DNAH3: variants seen among roughly 807,000 people sequenced by gnomAD.
The protein encoded by DNAH3 is axonemal beta dynein heavy chain 3.
In DNAH3, 332 loss-of-function variants were observed where a neutral mutation model predicts 432.5. That is an observed-to-expected ratio of 0.77 (90% CI 0.70 to 0.84). The LOEUF (loss-of-function observed/expected upper bound fraction) is 0.84, where lower values mean the gene tolerates loss of function less well. Among genes scored for constraint, DNAH3 ranks in the 40% least tolerant of loss-of-function variants. The pLI is 0.00. For missense variants in DNAH3, 4,861 were observed against 5,114.0 expected (o/e 0.95, Z 1.51); for synonymous variants, 1,956 against 1,900.2 (o/e 1.03, Z -0.76).
At chr16:21,088,186 T>C (rs944315833) in intron 18 of DNAH3, among the ~76,000 whole-genome samples, 1 of 152,004 alleles carries the variant, frequency 6.6e-6, no homozygotes, top group Non-Finnish European at 1.5e-5. Flanking sequence ...TTTTGTTGCG[T>C]GATTAAAAAT....
At chr16:21,068,948 G>A (rs1219468783) in intron 23 of DNAH3, among the ~76,000 whole-genome samples, 1 of 150,488 alleles carries the variant, frequency 6.6e-6, no homozygotes, top group African/African-American at 2.4e-5. Context: ...TTTTTGAGAC[G>A]GAGTCTTGCT....
chr16:21,072,851 A>T, intron 21 of DNAH3, among the ~76,000 whole-genome samples: 1 of 149,220 alleles, frequency 6.7e-6, no homozygotes, highest in East Asian at 1.9e-4. Flanking sequence ...TACTATTATT[A>T]TTATTATTAT....
At chr16:21,159,023 C>CA (rs2092928814) in intron 1 of DNAH3, among the ~76,000 whole-genome samples, 1 of 151,770 alleles carries the variant, frequency 6.6e-6, no homozygotes, top group Non-Finnish European at 1.5e-5. Flanking sequence ...CATACACACA[C>CA]ACACTACCAC....
At chr16:21,020,374 A>ATTATATATATATATATATAAAAT (rs2088120169) in intron 40 of DNAH3, among the ~76,000 whole-genome samples, 4 of 38,148 alleles carry the variant, frequency 1.0e-4, no homozygotes, top group African/African-American at 3.7e-4. Context: ...ATATAAAATC[A>ATTATATATATATATATATAAAAT]CTATATATAT....
intron 1 of DNAH3, among the ~76,000 whole-genome samples, chr16:21,152,307 C>T (rs1370282460): frequency 1.3e-5 from 2 of 152,230 alleles, no homozygotes; most frequent in Non-Finnish European, 2.9e-5. Flanking sequence ...ATAAGTAGCA[C>T]TGATACAATT....
chr16:21,070,977 TG>T, intron 21 of DNAH3, 151 bp from the exon 22 acceptor site: 1 of 560,318 alleles, frequency 1.8e-6, no homozygotes, highest in South Asian at 2.2e-5. Context: ...CTCAAACTCC[TG>T]GGCTTAAGGG....
intron 53 of DNAH3, among the ~76,000 whole-genome samples, chr16:20,961,349 GTGCGGGGA>G (rs2084808244): frequency 6.6e-6 from 1 of 152,060 alleles, no homozygotes; most frequent in Non-Finnish European, 1.5e-5. Flanking sequence ...CTGTCGTGGG[GTGCGGGGA>G]GGGAGAAAGG....
At chr16:21,025,151 G>C (rs2088477657) in intron 38 of DNAH3, among the ~76,000 whole-genome samples, 1 of 151,994 alleles carries the variant, frequency 6.6e-6, no homozygotes, top group Non-Finnish European at 1.5e-5. Flanking sequence ...GGTTGGCCAG[G>C]CTGGTCTAGA....
At chr16:21,098,092 A>C (rs2152792336) in intron 17 of DNAH3, among the ~76,000 whole-genome samples, 1 of 152,324 alleles carries the variant, frequency 6.6e-6, no homozygotes, top group Middle Eastern at 3.4e-3. Flanking sequence ...TTGGATGCTC[A>C]GTAACTAATA....
chr16:21,034,298 G>C (rs2089051940), intron 35 of DNAH3, among the ~76,000 whole-genome samples: 1 of 152,134 alleles, frequency 6.6e-6, no homozygotes, highest in African/African-American at 2.4e-5. Flanking sequence ...TAAGGGATGG[G>C]AACTACCATT....
chr16:21,059,906 T>C (rs2090284963), intron 26 of DNAH3, among the ~76,000 whole-genome samples: 1 of 152,214 alleles, frequency 6.6e-6, no homozygotes, highest in Non-Finnish European at 1.5e-5. Context: ...CTTTAAGCTT[T>C]GGGAACACAA....
At chr16:21,132,506 G>A (rs2092579621) in intron 7 of DNAH3, among the ~76,000 whole-genome samples, 1 of 152,174 alleles carries the variant, frequency 6.6e-6, no homozygotes, top group Non-Finnish European at 1.5e-5. Context: ...TGCAATTGAT[G>A]CATAGATAAA....
At position 21,067,764 on chromosome 16, in the gene DNAH3, G is replaced by GT. The variant is rs1555545822; in HGVS notation, c.3382-346_3382-345insA. 6.5e-4 allele frequency among the ~76,000 whole-genome samples: 26 copies of GT among 39,854 alleles called. 2 individuals carry two copies. In the East Asian group the frequency reaches 0.12, roughly 180 times the overall value. The allele number at this position is 39,854 out of a possible 152,430, so 26.1% of individuals were successfully genotyped here. On this transcript the variant is annotated intron_variant, in intron 23 of 61. Coordinates refer to ENST00000261383, the Ensembl canonical transcript of DNAH3. ...GATAGAGAAAGCCAGTCTTGGGGGG[G>GT]GGGGTGGGGAGGGAGAGAGAGAGAG...
At chr16:21,147,763 C>A (rs1177472112) in intron 1 of DNAH3, among the ~76,000 whole-genome samples, 1 of 152,190 alleles carries the variant, frequency 6.6e-6, no homozygotes, top group African/African-American at 2.4e-5. Context: ...AAGTGACCCT[C>A]CACCTCTCCT....
In DNAH3 at chr16:21,149,724, T is replaced by C. The variant is rs562725995; in HGVS notation, c.118-3636A>G. Among the ~76,000 whole-genome samples the C allele has an allele frequency of 2.0e-5, 3 of 152,300 alleles. No individual in the cohort carries two copies. In the East Asian group the frequency reaches 5.8e-4, roughly 29 times the overall value. ...AAACTGATGGTTGGAATATATGGTC[T>C]AATGGGCTTGGAAGGGAAGGAAAGG... On this transcript the variant is annotated intron_variant, in intron 1 of 61. Coordinates refer to ENST00000261383, the Ensembl canonical transcript of DNAH3.
chr16:21,125,439 CCT>C lies in DNAH3; in HGVS notation c.1209-71_1209-70del. The C allele has an allele frequency of 2.9e-6, 4 of 1,376,932 alleles. No individual in the cohort carries two copies. In the African/African-American group the frequency reaches 4.4e-5, roughly 15 times the overall value. The allele number at this position is 1,376,932 out of a possible 1,614,324, so 85.3% of individuals were successfully genotyped here. ...TCCGAGGAACCCACTTGCCGTGCCC[CCT>C]GAGCTCAGTGATGAGGCAGATGGGC... On this transcript the variant is annotated intron_variant, in intron 8 of 61. Coordinates refer to ENST00000261383, the Ensembl canonical transcript of DNAH3.
chr16:21,105,095 G>A (rs1385176795), intron 15 of DNAH3, among the ~76,000 whole-genome samples: 4 of 152,068 alleles, frequency 2.6e-5, no homozygotes, highest in Non-Finnish European at 5.9e-5. Flanking sequence ...GTCCACCCTG[G>A]GTTTCCTTTG....
At chr16:20,969,655 TGGTTC>T (rs1483693393) in intron 52 of DNAH3, 132 bp downstream of exon 52, 41 of 991,556 alleles carry the variant, frequency 4.1e-5, no homozygotes, top group Non-Finnish European at 6.0e-5. Flanking sequence ...ACACACAGCC[TGGTTC>T]CTTTCTTAAT....
At chr16:21,024,778 C>T (rs79604417) in intron 38 of DNAH3, 77 bp from the exon 39 acceptor site, 14,951 of 1,120,608 alleles carry the variant, frequency 0.013, 138 homozygotes, top group Non-Finnish European at 0.015. Flanking sequence ...GAGCAATCTA[C>T]TGCATGTCAG....
Sources: allele counts gnomAD v4.1 joint callset (sites outside exome capture counted in the v4.1 genomes callset), GRCh38; gene constraint gnomAD v4.1.1; transcripts MANE v1.5; gene names NCBI Gene and HGNC (gene_info 2026-07-23, HGNC 2026-07-21).